SLC14A2: variants seen among roughly 807,000 people sequenced by gnomAD.
SLC14A2 encodes urea transporter 2.
A neutral mutation model predicts 104.6 loss-of-function variants in SLC14A2; 91 were observed. That is an observed-to-expected ratio of 0.87 (90% CI 0.73 to 1.04). The LOEUF (loss-of-function observed/expected upper bound fraction) is 1.04. Among genes scored for constraint, SLC14A2 ranks in the 50% least tolerant of loss-of-function variants. The pLI, the probability that SLC14A2 is intolerant of heterozygous loss-of-function variation, is 0.00. For missense variants in SLC14A2, 1,189 were observed against 1,156.0 expected (o/e 1.03, Z -0.41); for synonymous variants, 476 against 466.4 (o/e 1.02, Z -0.27).
Position 45,482,101 on chromosome 18 carries a change from C to G in SLC14A2, c.-124-1132C>G, listed in dbSNP as rs554582836. Reference sequence around the variant, plus strand: ...AGAAAGTGATTGGGGAATAACATACCAAAAGCTTTAAAAAAATGCATACCC... The same window carrying G: ...AGAAAGTGATTGGGGAATAACATACGAAAAGCTTTAAAAAAATGCATACCC... On this transcript the variant is annotated intron_variant, in intron 1 of 20. Transcript: ENST00000586448. 4.2e-4 allele frequency among the ~76,000 whole-genome samples: 64 copies of G among 152,136 alleles called. 1 individual carries two copies. The highest frequency in any genetic ancestry group is 7.4e-4 in the Non-Finnish European group (50 of 67,982).
At chr18:45,666,762 G>C (rs896581566) in intron 12 of SLC14A2, among the ~76,000 whole-genome samples, 173 bp from the exon 13 acceptor site, 3 of 152,110 alleles carry the variant, frequency 2.0e-5, no homozygotes, top group Non-Finnish European at 4.4e-5. Flanking sequence ...TATTAGATGA[G>C]GTCATGTGTC....
At chr18:45,293,180 C>A (rs185341206) in intron 1 of SLC14A2, among the ~76,000 whole-genome samples, 12 of 152,206 alleles carry the variant, frequency 7.9e-5, no homozygotes, top group Admixed American at 2.6e-4. Context: ...CCATGGAGAA[C>A]CTTTTTTGAC....
intron 1 of SLC14A2, among the ~76,000 whole-genome samples, chr18:45,354,337 AGACCT>A (rs1307763421): frequency 6.6e-6 from 1 of 152,190 alleles, no homozygotes; most frequent in African/African-American, 2.4e-5. Flanking sequence ...GATTTCTGAG[AGACCT>A]TGAGAAATAG....
At chr18:45,209,345 A>T (rs1204967100), upstream of SLC14A2, among the ~76,000 whole-genome samples, 1 of 151,868 alleles carries the variant, frequency 6.6e-6, no homozygotes, top group Non-Finnish European at 1.5e-5. Context: ...TCCGTCTCAA[A>T]ACAAAACAAC....
intron 1 of SLC14A2, among the ~76,000 whole-genome samples, chr18:45,357,509 G>A (rs1305694412): frequency 1.3e-5 from 2 of 152,070 alleles, no homozygotes; most frequent in African/African-American, 4.8e-5. Flanking sequence ...GGAATTTGAG[G>A]CTTCAGTTAG....
At chr18:45,242,563 T>C (rs1218693452) in intron 1 of SLC14A2, among the ~76,000 whole-genome samples, 1 of 152,232 alleles carries the variant, frequency 6.6e-6, no homozygotes, top group Non-Finnish European at 1.5e-5. Context: ...GTAAAGCGAC[T>C]GCCAGCATAT....
chr18:45,596,275 C>G (rs1045885968), intron 2 of SLC14A2, among the ~76,000 whole-genome samples: 2 of 152,170 alleles, frequency 1.3e-5, no homozygotes, highest in Non-Finnish European at 2.9e-5. Flanking sequence ...GCACGGCTAC[C>G]TAGAACAAAA....
chr18:45,681,511 C>G (rs540011324), intron 19 of SLC14A2, among the ~76,000 whole-genome samples: 24 of 152,260 alleles, frequency 1.6e-4, no homozygotes, highest in African/African-American at 5.5e-4. Context: ...TACTAAAAAG[C>G]CTTAGAGCAT....
chr18:45,182,563 C>T, the SLC14A2 span, among the ~76,000 whole-genome samples: 1 of 151,452 alleles, frequency 6.6e-6, no homozygotes, highest in African/African-American at 2.4e-5. Flanking sequence ...CTCCTAAGGC[C>T]AACGAGAGTA....
intron 1 of SLC14A2, among the ~76,000 whole-genome samples, chr18:45,319,122 C>T (rs919392293): frequency 6.6e-6 from 1 of 152,204 alleles, no homozygotes; most frequent in Non-Finnish European, 1.5e-5. Context: ...TTGACCCTCA[C>T]CTCCAGTTTC....
intron 1 of SLC14A2, among the ~76,000 whole-genome samples, chr18:45,620,095 C>T (rs1290930725): frequency 2.0e-5 from 3 of 152,164 alleles, no homozygotes; most frequent in Admixed American, 1.3e-4. Flanking sequence ...CAAAATTCCC[C>T]GTTGTAACAG....
At chr18:45,479,817 A>T (rs1478091229) in intron 1 of SLC14A2, among the ~76,000 whole-genome samples, 2 of 152,192 alleles carry the variant, frequency 1.3e-5, no homozygotes, top group Non-Finnish European at 2.9e-5. Context: ...CATTCACATT[A>T]CCCACAGCAA....
At chr18:45,175,451 A>G in the SLC14A2 span, among the ~76,000 whole-genome samples, 3 of 152,132 alleles carry the variant, frequency 2.0e-5, no homozygotes, top group African/African-American at 7.2e-5. Flanking sequence ...AGGTGTGGGC[A>G]ATACCATTAG....
At chr18:45,374,440 AAGAG>A (rs963594826) in intron 1 of SLC14A2, among the ~76,000 whole-genome samples, 30 of 152,178 alleles carry the variant, frequency 2.0e-4, no homozygotes, top group African/African-American at 7.2e-4. Flanking sequence ...TTGAGGTGAG[AAGAG>A]AGAATGACAA....
At chr18:45,655,515 T>C (rs978495500) in intron 10 of SLC14A2, among the ~76,000 whole-genome samples, 2 of 152,238 alleles carry the variant, frequency 1.3e-5, no homozygotes, top group African/African-American at 2.4e-5. Context: ...CTGATTGGTA[T>C]TGGCTTTCAG....
intron 2 of SLC14A2, among the ~76,000 whole-genome samples, chr18:45,543,970 A>G (rs753517446): frequency 2.6e-5 from 4 of 152,214 alleles, no homozygotes; most frequent in Admixed American, 6.5e-5. Context: ...TGAGTCTCTA[A>G]TGGGTTTCCC....
the SLC14A2 span, among the ~76,000 whole-genome samples, chr18:45,198,088 A>G: frequency 6.6e-6 from 1 of 152,184 alleles, no homozygotes; most frequent in Non-Finnish European, 1.5e-5. Context: ...ATTAGGAAGC[A>G]TTGGTCTTAG....
At chr18:45,521,626 G>A (rs912883503) in intron 2 of SLC14A2, among the ~76,000 whole-genome samples, 10 of 151,608 alleles carry the variant, frequency 6.6e-5, no homozygotes, top group East Asian at 1.9e-4. Flanking sequence ...ATTACCTTTC[G>A]AGGAAACAGA....
intron 1 of SLC14A2, among the ~76,000 whole-genome samples, chr18:45,424,594 G>A (rs1484240001): frequency 6.6e-6 from 1 of 152,210 alleles, no homozygotes; most frequent in Non-Finnish European, 1.5e-5. Context: ...ACCCACACTT[G>A]CTTTTTCATT....
Sources: allele counts gnomAD v4.1 joint callset (sites outside exome capture counted in the v4.1 genomes callset), GRCh38; gene constraint gnomAD v4.1.1; transcripts MANE v1.5; gene names NCBI Gene and HGNC (gene_info 2026-07-23, HGNC 2026-07-21).